DLGAP4: variants seen among roughly 807,000 people sequenced by gnomAD.
DLGAP4 encodes DLG associated protein 4, also known as disks large-associated protein 4.
DLGAP4 carries 18 observed loss-of-function variants against 86.9 expected under a neutral mutation model. The ratio of observed to expected loss-of-function variants is 0.21; its 90% confidence interval spans 0.14 to 0.31. The LOEUF is 0.31. Ranked by LOEUF, DLGAP4 falls within the 10% of genes least tolerant of loss-of-function variation. The pLI, the probability that DLGAP4 is intolerant of heterozygous loss-of-function variation, is 1.00. For missense variants in DLGAP4, 1,085 were observed against 1,362.6 expected (o/e 0.80, Z 3.21); for synonymous variants, 548 against 574.3 (o/e 0.95, Z 0.65).
chr20:36,431,869 C>T lies in DLGAP4; in HGVS notation c.152C>T (p.Thr51Ile). ...GAGGCCCGCTTCCCCGGGCAGAACA[C>T]CCTGCCAGGAGATGGCCTCTTTCCC... Reference protein sequence around the residue: ...AREARFPGQNTLPGDGLFPLN... With the variant: ...AREARFPGQNILPGDGLFPLN... Residue 51 changes from threonine to isoleucine, a missense_variant, in exon 3 of 13, where the codon ACC becomes ATC. Transcript: ENST00000339266. The surrounding 1 kb of genome is among the most constrained non-coding windows in gnomAD (Gnocchi z 5.1). The T allele has an allele frequency of 6.2e-7, 1 of 1,614,126 alleles. No individual in the cohort carries two copies. The highest frequency in any genetic ancestry group is 8.5e-7 in the Non-Finnish European group (1 of 1,180,002).
intron 5 of DLGAP4, 40 bp from the exon 6 acceptor site, chr20:36,442,687 C>T: frequency 6.2e-7 from 1 of 1,611,898 alleles, no homozygotes; most frequent in South Asian, 1.1e-5. Context: ...CCAGCCCCAG[C>T]CCTGGTCCTT....
At chr20:36,415,443 GC>G (rs2032625398) in intron 2 of DLGAP4, among the ~76,000 whole-genome samples, 1 of 152,156 alleles carries the variant, frequency 6.6e-6, no homozygotes. Flanking sequence ...ACAGTGCCCG[GC>G]CCTGTCTGGC....
At chr20:36,354,353 A>G (rs1020937226) in intron 1 of DLGAP4, among the ~76,000 whole-genome samples, 6 of 152,142 alleles carry the variant, frequency 3.9e-5, no homozygotes, top group African/African-American at 1.4e-4. Flanking sequence ...TCAAACAAAC[A>G]GCTTTATTTG....
intron 1 of DLGAP4, among the ~76,000 whole-genome samples, chr20:36,323,175 CAAAAAAAA>C (rs1164348704): frequency 2.9e-3 from 101 of 35,390 alleles, no homozygotes; most frequent in African/African-American, 5.9e-3. Flanking sequence ...GACCCTATCT[CAAAAAAAA>C]AAAAAAAAAA....
rs1033712399 is a variant in DLGAP4, at chr20:36,318,498, G to A, written c.-304+11986G>A. 2.8e-3 allele frequency among the ~76,000 whole-genome samples: 421 copies of A among 152,238 alleles called. 2 individuals carry two copies. The highest frequency in any genetic ancestry group is 1.0e-2 in the African/African-American group (414 of 41,538). ...AGTGTTCCTCCCCACTCAGCCTCCC[G>A]AGTAGCTGGGACTACAGGGGTGCAC... On this transcript the variant is annotated intron_variant, in intron 1 of 12. Coordinates refer to ENST00000339266, the MANE Select transcript of DLGAP4 (RefSeq NM_001365621.2).
chr20:36,505,825 A>G (rs1324214961), intron 10 of DLGAP4, among the ~76,000 whole-genome samples: 1 of 152,124 alleles, frequency 6.6e-6, no homozygotes, highest in Non-Finnish European at 1.5e-5. Flanking sequence ...ACTGTTCATT[A>G]AGCAGAAGTG....
intron 2 of DLGAP4, among the ~76,000 whole-genome samples, chr20:36,404,097 A>G (rs1219242000): frequency 1.3e-5 from 2 of 152,250 alleles, no homozygotes; most frequent in African/African-American, 2.4e-5. Context: ...CAAGGCTGTG[A>G]ATACCAGGAG....
intron 2 of DLGAP4, among the ~76,000 whole-genome samples, chr20:36,378,926 G>A (rs758033191): frequency 9.2e-5 from 14 of 152,150 alleles, no homozygotes; most frequent in Non-Finnish European, 1.5e-4. Flanking sequence ...ACCGGGCCTC[G>A]TGCCAGGGAC....
At chr20:36,478,555 T>C (rs1385085880) in intron 7 of DLGAP4, among the ~76,000 whole-genome samples, 1 of 152,222 alleles carries the variant, frequency 6.6e-6, no homozygotes, top group Non-Finnish European at 1.5e-5. Context: ...CTTGGGATGC[T>C]GCCTGGCCTC....
chr20:36,508,468 CTAGTCTGG>C (rs1276443884), intron 10 of DLGAP4, among the ~76,000 whole-genome samples: 1 of 139,942 alleles, frequency 7.1e-6, no homozygotes. Context: ...CTCTCGTTAC[CTAGTCTGG>C]AGTGCAATGG....
intron 7 of DLGAP4, chr20:36,465,209 G>A (rs999446181): frequency 6.6e-6 from 1 of 150,920 alleles, no homozygotes; most frequent in Admixed American, 6.6e-5. Context: ...AGATAACTAG[G>A]AAAGCACCTG....
At chr20:36,395,264 T>C in intron 2 of DLGAP4, among the ~76,000 whole-genome samples, 1 of 152,222 alleles carries the variant, frequency 6.6e-6, no homozygotes, top group East Asian at 1.9e-4. Context: ...TATTGTTGCA[T>C]GACATTATAT....
At chr20:36,517,357 A>G (rs1413502488) in intron 10 of DLGAP4, among the ~76,000 whole-genome samples, 4 of 152,140 alleles carry the variant, frequency 2.6e-5, no homozygotes, top group Admixed American at 6.5e-5. Context: ...CAGTCTGGAC[A>G]ACAGAGCAAA....
chr20:36,481,714 T>C (rs902153731), intron 7 of DLGAP4, among the ~76,000 whole-genome samples: 1 of 152,028 alleles, frequency 6.6e-6, no homozygotes. Context: ...TGGGGTGGAG[T>C]TGAGACTTCT....
In DLGAP4 at chr20:36,500,161, T is replaced by C. The variant is rs1269757940; in HGVS notation, c.2100-38T>C. ...GTCTCTGGCCCTCTTGGTGACTCAC[T>C]CCTTCCTGTCCCCACCCCATCCACC... On this transcript the variant is annotated intron_variant, in intron 9 of 12. Transcript: ENST00000339266. The surrounding 1 kb of genome is among the most constrained non-coding windows in gnomAD (Gnocchi z 4.6). 3 of 1,501,244 alleles carry C rather than the reference T, an allele frequency of 2.0e-6. No homozygotes were observed. The highest frequency in any genetic ancestry group is 2.7e-6 in the Non-Finnish European group (3 of 1,123,922). 93.0% of individuals were successfully genotyped at this position (1,501,244 alleles called of 1,614,324 possible).
chr20:36,312,338 T>C (rs1201681174), intron 1 of DLGAP4, among the ~76,000 whole-genome samples: 2 of 152,002 alleles, frequency 1.3e-5, no homozygotes, highest in East Asian at 3.9e-4. Flanking sequence ...AATATGCACA[T>C]GCACACGCAC....
At chr20:36,520,882 G>A (rs1242115547) in intron 10 of DLGAP4, among the ~76,000 whole-genome samples, 1 of 152,092 alleles carries the variant, frequency 6.6e-6, no homozygotes, top group African/African-American at 2.4e-5. Context: ...ACCCAGGCCG[G>A]AGTGCAGTAG....
chr20:36,480,156 A>G (rs1312111299), intron 7 of DLGAP4, among the ~76,000 whole-genome samples: 2 of 152,170 alleles, frequency 1.3e-5, no homozygotes, highest in African/African-American at 4.8e-5. Context: ...TTCCTAACCT[A>G]CTGGCAGTTT....
intron 7 of DLGAP4, among the ~76,000 whole-genome samples, chr20:36,459,414 T>C (rs1226030538): frequency 6.6e-6 from 1 of 152,178 alleles, no homozygotes; most frequent in East Asian, 1.9e-4. Context: ...TCTCACTCTG[T>C]CACCCAAATT....
Sources: allele counts gnomAD v4.1 joint callset (sites outside exome capture counted in the v4.1 genomes callset), GRCh38; gene constraint gnomAD v4.1.1; non-coding constraint Gnocchi (gnomAD v3.1); transcripts MANE v1.5; gene names NCBI Gene and HGNC (gene_info 2026-07-23, HGNC 2026-07-21).